CECR2: variants seen among roughly 807,000 people sequenced by gnomAD.
The protein encoded by CECR2 is CECR2 histone acetyl-lysine reader.
A neutral mutation model predicts 154.5 loss-of-function variants in CECR2; 30 were observed. The observed-to-expected ratio is 0.19, with a 90% CI of 0.15 to 0.26. CECR2 has a LOEUF of 0.26. CECR2 is among the 10% of genes least tolerant of loss of function. The pLI is 1.00. For synonymous variants in CECR2, 725 were observed against 683.7 expected (o/e 1.06, Z -0.94); for missense variants, 1,743 against 1,829.3 (o/e 0.95, Z 0.86).
chr22:17,364,362 A>AAAAAAAAG (rs1491212019), intron 1 of CECR2, among the ~76,000 whole-genome samples: 14,304 of 130,792 alleles, frequency 0.11, 2,340 homozygotes, highest in African/African-American at 0.3. Context: ...AAAAAAAAAA[A>AAAAAAAAG]GAATTTGTGC....
chr22:17,532,093 C>A (rs1569146440), intron 9 of CECR2, among the ~76,000 whole-genome samples: 1 of 152,020 alleles, frequency 6.6e-6, no homozygotes, highest in Non-Finnish European at 1.5e-5. Flanking sequence ...TCACTTGAGC[C>A]CAGGAGGTCA....
In CECR2 at chr22:17,423,057, T is replaced by G. The variant is rs1601332257; in HGVS notation, c.126+53148T>G. On this transcript the variant is annotated intron_variant, in intron 1 of 18. Coordinates refer to ENST00000262608, the MANE Select transcript of CECR2 (RefSeq NM_001290047.2). ...TTGTTCTGCCTCTTCACACTACTTT[T>G]TGCCTTTTAGTGTGCCTTGCAGTTT... 2.6e-5 allele frequency among the ~76,000 whole-genome samples: 4 copies of G among 152,306 alleles called. No individual in the cohort carries two copies. The Middle Eastern group carries it at 0.01, about 389-fold the overall frequency.
At chr22:17,370,374 C>T (rs541899830) in intron 1 of CECR2, among the ~76,000 whole-genome samples, 1 of 148,318 alleles carries the variant, frequency 6.7e-6, no homozygotes, top group Non-Finnish European at 1.5e-5. Flanking sequence ...CGGCCGCGGC[C>T]GGCGGGGAGG....
At chr22:17,495,285 G>A (rs766508029) in intron 2 of CECR2, among the ~76,000 whole-genome samples, 11 of 152,082 alleles carry the variant, frequency 7.2e-5, no homozygotes, top group Admixed American at 3.9e-4. Flanking sequence ...ATCAAAATAC[G>A]TGGCTGGGCA....
rs3994825 is a variant in CECR2, at chr22:17,505,835, C to CTTTTT, written c.870+839_870+843dup. Among the ~76,000 whole-genome samples, 36 of 84,558 alleles carry CTTTTT rather than the reference C, an allele frequency of 4.3e-4. 3 individuals carry two copies. Among genetic ancestry groups the CTTTTT allele is most frequent in the East Asian group, 2.5e-3 (5 of 2,018 alleles). The allele number at this position is 84,558 out of a possible 152,430, so 55.5% of individuals were successfully genotyped here. A position where few individuals can be genotyped will look rare whatever the true frequency, so the allele number is the denominator to read the frequency against. On this transcript the variant is annotated intron_variant, in intron 7 of 18. Transcript: ENST00000262608. ...TACAGGTGTGAGCCACTGCACCCGGCTTTTTTTTTTTTTTTTTTTTTTTTA... is the reference window on the plus strand; with the variant it reads ...TACAGGTGTGAGCCACTGCACCCGGCTTTTTTTTTTTTTTTTTTTTTTTTTTTTTA...
At chr22:17,402,312 T>A (rs576928337) in intron 1 of CECR2, among the ~76,000 whole-genome samples, 1 of 151,936 alleles carries the variant, frequency 6.6e-6, no homozygotes, top group East Asian at 2.0e-4. Context: ...AAAAAATAAA[T>A]TTACTTTAGA....
At chr22:17,400,837 A>G (rs1329971371) in intron 1 of CECR2, among the ~76,000 whole-genome samples, 1 of 151,274 alleles carries the variant, frequency 6.6e-6, no homozygotes, top group Non-Finnish European at 1.5e-5. Context: ...TGCAGCCTCA[A>G]CCTCATGGGC....
intron 2 of CECR2, among the ~76,000 whole-genome samples, chr22:17,487,621 G>C (rs769293317): frequency 7.2e-5 from 11 of 152,110 alleles, no homozygotes; most frequent in Non-Finnish European, 1.3e-4. Context: ...GAACCCGGGA[G>C]GCAGAGCTTG....
At chr22:17,376,646 T>G (rs2063122314) in intron 1 of CECR2, among the ~76,000 whole-genome samples, 1 of 121,752 alleles carries the variant, frequency 8.2e-6, no homozygotes, top group Admixed American at 8.1e-5. Flanking sequence ...TTTTTTTTGT[T>G]TTTTTTTTTT....
chr22:17,382,341 T>C (rs2063208063), intron 1 of CECR2, among the ~76,000 whole-genome samples: 2 of 152,212 alleles, frequency 1.3e-5, no homozygotes, highest in Non-Finnish European at 2.9e-5. Flanking sequence ...TAAGAAGTCC[T>C]GTATACTAAG....
intron 8 of CECR2, among the ~76,000 whole-genome samples, chr22:17,516,686 C>G (rs1159042119): frequency 6.6e-6 from 1 of 152,180 alleles, no homozygotes; most frequent in East Asian, 1.9e-4. Flanking sequence ...CCTCCGTGTC[C>G]TGGGTTCAAG....
In CECR2 at chr22:17,417,019, CTTTT is replaced by C. The variant is rs11306557; in HGVS notation, c.126+47123_126+47126del. On this transcript the variant is annotated intron_variant, in intron 1 of 18. Transcript: ENST00000262608. ...TATATCACATCAACATTGTCAGATT[CTTTT>C]TTTTTTTTTTTTACGACAAAGGGAC... 1.5e-3 allele frequency among the ~76,000 whole-genome samples: 217 copies of C among 142,200 alleles called. 1 individual carries two copies. The highest frequency in any genetic ancestry group is 5.0e-3 in the African/African-American group (198 of 39,274). The allele number at this position is 142,200 out of a possible 152,430, so 93.3% of individuals were successfully genotyped here.
chr22:17,529,035 G>T (rs2056309846), intron 9 of CECR2, among the ~76,000 whole-genome samples: 1 of 152,092 alleles, frequency 6.6e-6, no homozygotes, highest in South Asian at 2.1e-4. Flanking sequence ...GATCGAGGCT[G>T]CAGTGAGCGC....
At chr22:17,405,742 C>T (rs565117263) in intron 1 of CECR2, among the ~76,000 whole-genome samples, 1 of 152,156 alleles carries the variant, frequency 6.6e-6, no homozygotes, top group East Asian at 1.9e-4. Flanking sequence ...CTAAACTCCC[C>T]CCTTTTAGCA....
rs1434804315 is a variant in CECR2, at chr22:17,409,226, G to A, written c.126+39317G>A. On this transcript the variant is annotated intron_variant, in intron 1 of 18. Coordinates refer to ENST00000262608, the MANE Select transcript of CECR2 (RefSeq NM_001290047.2). ...TGGCTCACTGCAACCTCCACCTCGC[G>A]GGTTCAAGCGATTCGCGTGCCTCAG... Among the ~76,000 whole-genome samples, 8 of 135,894 alleles carry A rather than the reference G, an allele frequency of 5.9e-5. No individual in the cohort carries two copies. The South Asian group carries it at 1.4e-3, about 24-fold the overall frequency. The allele number at this position is 135,894 out of a possible 152,430, so 89.2% of individuals were successfully genotyped here.
chr22:17,484,090 A>G (rs995368993), intron 2 of CECR2, among the ~76,000 whole-genome samples: 3 of 152,210 alleles, frequency 2.0e-5, no homozygotes, highest in African/African-American at 7.2e-5. Context: ...AGGCTCTACC[A>G]TCTAGGTTTA....
rs575163860 is a variant in CECR2 at position 17,448,942 on chromosome 22, C to T, written c.127-28646C>T. Among the ~76,000 whole-genome samples, 17 of 151,870 alleles carry T rather than the reference C, an allele frequency of 1.1e-4. 1 individual carries two copies. Among genetic ancestry groups the T allele is most frequent in the South Asian group, 6.2e-4 (3 of 4,802 alleles). On this transcript the variant is annotated intron_variant, in intron 1 of 18. Transcript: ENST00000262608. ...TCGCCCAGGCTGAGGTACCGTGGCA[C>T]GGTCTGGCTCACTGCAGCCTCTGCC...
At chr22:17,507,526 A>T (rs1049894632) in intron 7 of CECR2, among the ~76,000 whole-genome samples, 1 of 152,156 alleles carries the variant, frequency 6.6e-6, no homozygotes, top group African/African-American at 2.4e-5. Flanking sequence ...ATACCCAGTC[A>T]CCTTAAGCCT....
At chr22:17,542,016 G>A (rs2056531712) in intron 15 of CECR2, 49 bp downstream of exon 15, 1 of 1,587,328 alleles carries the variant, frequency 6.3e-7, no homozygotes, top group South Asian at 1.1e-5. Context: ...CCACAGGTAC[G>A]TTTCAGAGAA....
Sources: gnomAD v4.1 joint callset for allele counts (sites outside exome capture counted in the v4.1 genomes callset) on GRCh38, gnomAD v4.1.1 for gene constraint, MANE v1.5 for transcripts, NCBI Gene and HGNC (gene_info 2026-07-23, HGNC 2026-07-21) for gene names.